The following LRCH2 variants were observed in gnomAD, a reference collection of about 807,000 sequenced individuals.
LRCH2 encodes leucine rich repeats and calponin homology domain containing 2.
LRCH2 carries 38 observed loss-of-function variants against 68.9 expected under a neutral mutation model. The ratio of observed to expected loss-of-function variants is 0.55; its 90% CI spans 0.43 to 0.72. The LOEUF (loss-of-function observed/expected upper bound fraction) is 0.72. LRCH2 is among the 30% of genes least tolerant of loss of function. The pLI is 0.00. For missense variants in LRCH2, 528 were observed against 572.9 expected (o/e 0.92, Z 0.80); for synonymous variants, 191 against 208.1 (o/e 0.92, Z 0.71).
At chrX:115,228,232 G>A (rs782461188) in intron 1 of LRCH2, among the ~76,000 whole-genome samples, 58 of 111,685 alleles carry the variant, frequency 5.2e-4, no homozygotes, top group African/African-American at 1.9e-3. Context: ...GTTCCCTGGC[G>A]TGTAAGGTAT....
In LRCH2 at chrX:115,174,241, A is replaced by T. The variant is rs138761194; in HGVS notation, c.865-3809T>A. 2.1e-3 allele frequency among the ~76,000 whole-genome samples: 231 copies of T among 111,132 alleles called. 7 individuals carry two copies. The East Asian group carries it at 0.05, about 24-fold the overall frequency. On this transcript the variant is annotated intron_variant, in intron 5 of 20. Transcript: ENST00000317135. ...TGTGTAGTGAGAACACTTCAGTTCA[A>T]CTCTCTTAACAAATTTCAAGTAAAT...
intron 1 of LRCH2, among the ~76,000 whole-genome samples, chrX:115,196,277 AGATGG>A (rs1203468166): frequency 3.6e-5 from 4 of 111,172 alleles, no homozygotes; most frequent in Middle Eastern, 9.2e-3. Context: ...TGGCTGCCAC[AGATGG>A]GATGAGGGAG....
At chrX:115,165,324 T>G in intron 10 of LRCH2, 81 bp downstream of exon 10, 1 of 697,199 alleles carries the variant, frequency 1.4e-6, no homozygotes, top group Admixed American at 4.0e-5. Context: ...TTATATTTTT[T>G]TCAAGTACTC....
At chrX:115,155,368 A>T (rs782155821) in intron 12 of LRCH2, among the ~76,000 whole-genome samples, 5 of 110,664 alleles carry the variant, frequency 4.5e-5, no homozygotes, top group Non-Finnish European at 9.4e-5. Context: ...TGATACGTGC[A>T]GCAAACCATC....
At chrX:115,184,234 T>C (rs900566208) in intron 3 of LRCH2, among the ~76,000 whole-genome samples, 177 bp downstream of exon 3, 1 of 112,330 alleles carries the variant, frequency 8.9e-6, no homozygotes, top group East Asian at 2.8e-4. Flanking sequence ...ATTTTGTGAC[T>C]GGAAAAACTC....
At chrX:115,210,798 C>T (rs1251359146) in intron 1 of LRCH2, among the ~76,000 whole-genome samples, 1 of 111,953 alleles carries the variant, frequency 8.9e-6, no homozygotes, top group Admixed American at 9.4e-5. Context: ...ACCATAGGAA[C>T]CTACCTCTTG....
rs113073637 is a variant in LRCH2, at chrX:115,187,518, C to T, written c.494+708G>A. On this transcript the variant is annotated intron_variant, in intron 2 of 20. Coordinates refer to ENST00000317135, the MANE Select transcript of LRCH2 (RefSeq NM_020871.4). ...CAGACTGCTTTGATTTTAATCTTGG[C>T]TCTACCACTTGCTGAATATATCTAT... Among the ~76,000 whole-genome samples, 960 of 112,037 alleles carry T rather than the reference C, an allele frequency of 8.6e-3. 1 individual carries two copies. The highest frequency in any genetic ancestry group is 0.014 in the Non-Finnish European group (719 of 53,230).
chrX:115,201,919 A>C (rs2147344336), intron 1 of LRCH2, among the ~76,000 whole-genome samples: 1 of 111,880 alleles, frequency 8.9e-6, no homozygotes, highest in African/African-American at 3.2e-5. Context: ...ACCAGAAAAT[A>C]AAATACCTAG....
intron 1 of LRCH2, among the ~76,000 whole-genome samples, chrX:115,193,722 G>A (rs1334040869): frequency 1.8e-5 from 2 of 111,182 alleles, no homozygotes; most frequent in Non-Finnish European, 3.8e-5. Flanking sequence ...GATAACCATT[G>A]TAGGGGGCTA....
chrX:115,169,176 G>A (rs1432279167), intron 6 of LRCH2, among the ~76,000 whole-genome samples: 1 of 111,789 alleles, frequency 8.9e-6, no homozygotes, highest in Admixed American at 9.6e-5. Context: ...TTATATGTGT[G>A]TGTATTTCCT....
chrX:115,180,131 A>G (rs1208656642), intron 3 of LRCH2, among the ~76,000 whole-genome samples: 1 of 111,742 alleles, frequency 8.9e-6, no homozygotes, highest in Non-Finnish European at 1.9e-5. Flanking sequence ...CAATTACAGT[A>G]GTTGTCTCGA....
At position 115,182,831 on chromosome X, in the gene LRCH2, CAAAAAAAAAA is replaced by C. The variant is rs1164477909; in HGVS notation, c.621+1570_621+1579del. Among the ~76,000 whole-genome samples the C allele has an allele frequency of 4.8e-3, 125 of 26,270 alleles. 2 individuals carry two copies. The highest frequency in any genetic ancestry group is 0.015 in the African/African-American group (115 of 7,859). The allele number at this position is 26,270 out of a possible 115,157, so 22.8% of individuals were successfully genotyped here. On this transcript the variant is annotated intron_variant, in intron 3 of 20. Coordinates refer to ENST00000317135, the MANE Select transcript of LRCH2 (RefSeq NM_020871.4). The stretch of plus-strand genomic sequence containing the variant: ...CTGGGCGACAGAGTGAACTTCGTCT[CAAAAAAAAAA>C]AAAAAAAAAAAAAGAGTTTGGTAAA...
chrX:115,116,518 C>T (rs1556524091), intron 20 of LRCH2, among the ~76,000 whole-genome samples: 1 of 110,805 alleles, frequency 9.0e-6, no homozygotes, highest in Admixed American at 9.7e-5. Context: ...ATAGAAAGAA[C>T]AGAGGAAGGA....
At chrX:115,129,228 A>G (rs782365263) in intron 15 of LRCH2, among the ~76,000 whole-genome samples, 1 of 110,997 alleles carries the variant, frequency 9.0e-6, no homozygotes, top group South Asian at 3.8e-4. Flanking sequence ...ACAGCTGGTG[A>G]AGACATGCTA....
intron 12 of LRCH2, among the ~76,000 whole-genome samples, chrX:115,151,969 G>A (rs1450254214): frequency 1.8e-5 from 2 of 110,708 alleles, no homozygotes; most frequent in Non-Finnish European, 3.8e-5. Context: ...ACAGAGAAAG[G>A]AAAGAGATCT....
At chrX:115,228,509 T>C (rs1223138142) in intron 1 of LRCH2, among the ~76,000 whole-genome samples, 1 of 111,208 alleles carries the variant, frequency 9.0e-6, no homozygotes, top group African/African-American at 3.3e-5. Context: ...AAAGTTTCAC[T>C]GTGTGCCTAG....
At chrX:115,184,374 C>T (rs782657209) in intron 3 of LRCH2, 37 bp downstream of exon 3, 51 of 1,016,653 alleles carry the variant, frequency 5.0e-5, no homozygotes, top group South Asian at 3.8e-4. Context: ...AGATATATTA[C>T]GCATATTGCA....
intron 1 of LRCH2, chrX:115,192,348 G>C (rs1603082539): frequency 7.4e-6 from 8 of 1,075,313 alleles, no homozygotes; most frequent in Non-Finnish European, 8.7e-6. Context: ...GTTCCATCAA[G>C]AGTTACGGCC....
intron 1 of LRCH2, among the ~76,000 whole-genome samples, chrX:115,219,397 T>A (rs1363631457): frequency 1.2e-5 from 1 of 85,981 alleles, no homozygotes; most frequent in Non-Finnish European, 2.3e-5. Flanking sequence ...AATTAAAAAG[T>A]AATGACAAAT....
Sources: allele counts gnomAD v4.1 joint callset (sites outside exome capture counted in the v4.1 genomes callset), GRCh38; gene constraint gnomAD v4.1.1; transcripts MANE v1.5; gene names NCBI Gene and HGNC (gene_info 2026-07-23, HGNC 2026-07-21).